Variants in ANK2 observed in about 807,000 individuals in gnomAD.
The protein encoded by ANK2 is ankyrin 2.
In ANK2, 83 loss-of-function variants were observed where a neutral mutation model predicts 360.5. The observed-to-expected ratio is 0.23, with a 90% CI of 0.19 to 0.28. The LOEUF is 0.28. Ranked by LOEUF, ANK2 falls within the 10% of genes least tolerant of loss-of-function variation. ANK2 has a pLI of 1.00. For synonymous variants in ANK2, 1,740 were observed against 1,759.5 expected, an observed-to-expected ratio of 0.99 and a Z score of 0.28; for missense variants, 4,201 against 4,795.7, an observed-to-expected ratio of 0.88 and a Z score of 3.66.
chr4:113,076,776 AC>A, intron 1 of ANK2, among the ~76,000 whole-genome samples: 1 of 150,024 alleles, frequency 6.7e-6, no homozygotes. Flanking sequence ...AGCCAGGGCA[AC>A]AGAGTAAGAC....
intron 2 of ANK2, among the ~76,000 whole-genome samples, chr4:112,976,017 GAATATGCTC>G (rs1326542393): frequency 3.3e-5 from 5 of 152,108 alleles, no homozygotes; most frequent in African/African-American, 9.6e-5. Context: ...TTTGAAAATT[GAATATGCTC>G]ACACATGCTC....
chr4:113,030,778 A>G (rs560606071), intron 2 of ANK2, among the ~76,000 whole-genome samples: 4 of 152,208 alleles, frequency 2.6e-5, no homozygotes, highest in South Asian at 2.1e-4. Flanking sequence ...AATCCAAATA[A>G]TAGGAAAGAA....
chr4:112,906,328 A>G (rs2085193603), intron 2 of ANK2, among the ~76,000 whole-genome samples: 1 of 152,278 alleles, frequency 6.6e-6, no homozygotes, highest in South Asian at 2.1e-4. Context: ...TAGAAACCAG[A>G]CCGGATTAGT....
chr4:113,010,275 A>G (rs1183301106), intron 2 of ANK2, among the ~76,000 whole-genome samples: 1 of 152,180 alleles, frequency 6.6e-6, no homozygotes, highest in East Asian at 1.9e-4. Flanking sequence ...CTCTACTACA[A>G]AACCAATATA....
chr4:113,310,541 C>G (rs1391053441), intron 23 of ANK2, among the ~76,000 whole-genome samples: 2 of 152,082 alleles, frequency 1.3e-5, no homozygotes, highest in Non-Finnish European at 2.9e-5. Context: ...CTCAGCCTCC[C>G]AAGTAGCTGG....
rs2096024632 is a variant in ANK2 at position 113,359,040 on chromosome 4, C to G, written c.10422C>G (p.Ser3474=). The change falls in exon 38 of 46, where the codon TCC becomes TCG. Residue 3474 remains serine, a synonymous_variant. Transcript: ENST00000357077. ...ATTTCTTTGACCTTTACAGAAATTC[C>G]ATAGAATTCTTTGAGGAGATTAGTG... ...KEHFFDLYRN[S]IEFFEEISDE... is the part of the protein sequence containing the mutation. The G allele has an allele frequency of 6.2e-7, 1 of 1,613,934 alleles. No homozygotes were observed. Among genetic ancestry groups the G allele is most frequent in the Non-Finnish European group, 8.5e-7 (1 of 1,179,962 alleles).
chr4:113,262,813 A>G (rs1180454176), intron 13 of ANK2, among the ~76,000 whole-genome samples: 3 of 152,032 alleles, frequency 2.0e-5, no homozygotes, highest in Non-Finnish European at 4.4e-5. Flanking sequence ...GGACTTGAGC[A>G]TCCATGTATT....
intron 10 of ANK2, among the ~76,000 whole-genome samples, chr4:113,251,735 G>A (rs2046546965): frequency 6.6e-6 from 1 of 151,734 alleles, no homozygotes. Context: ...GCCCATCTCG[G>A]CCTCCCAAAG....
In ANK2 at chr4:113,381,503, G is replaced by A. The variant is rs371328203; in HGVS notation, c.*32G>A. 27 of 1,613,922 alleles carry A rather than the reference G, an allele frequency of 1.7e-5. No individual in the cohort carries two copies. Among genetic ancestry groups the A allele is most frequent in the Non-Finnish European group, 1.9e-5 (22 of 1,179,998 alleles). ...CACACAGAAGAGGGCTGTGGTGAAG[G>A]ACCAGCATGGAAAACGCATTGACTT... On this transcript the variant is annotated 3_prime_UTR_variant, in exon 46 of 46. Coordinates refer to ENST00000357077, the MANE Select transcript of ANK2 (RefSeq NM_001148.6).
At chr4:112,889,752 C>T (rs1317625998) in intron 1 of ANK2, among the ~76,000 whole-genome samples, 1 of 152,142 alleles carries the variant, frequency 6.6e-6, no homozygotes, top group Admixed American at 6.5e-5. Context: ...TACTTCACAT[C>T]CCAGCTGTTC....
At chr4:113,019,755 G>T (rs1016246355) in intron 2 of ANK2, among the ~76,000 whole-genome samples, 2 of 152,036 alleles carry the variant, frequency 1.3e-5, no homozygotes, top group African/African-American at 4.8e-5. Context: ...TTGCTTAGAT[G>T]AGTTAGATCA....
the ANK2 span, among the ~76,000 whole-genome samples, chr4:112,711,254 G>A: frequency 6.6e-6 from 1 of 151,884 alleles, no homozygotes; most frequent in East Asian, 1.9e-4. Context: ...GTGCAGTGGG[G>A]TGCAGTGGTT....
chr4:112,992,688 T>G (rs889146751), intron 2 of ANK2, among the ~76,000 whole-genome samples: 4 of 152,198 alleles, frequency 2.6e-5, no homozygotes, highest in Non-Finnish European at 4.4e-5. Context: ...GTGTCTCGTC[T>G]TGTAAGGGCA....
chr4:113,319,906 G>T (rs1313399486), intron 26 of ANK2, among the ~76,000 whole-genome samples: 1 of 152,146 alleles, frequency 6.6e-6, no homozygotes, highest in Non-Finnish European at 1.5e-5. Flanking sequence ...TCATAGATAA[G>T]AATCTAGAAA....
intron 1 of ANK2, among the ~76,000 whole-genome samples, chr4:112,903,552 A>C (rs2084170597): frequency 6.6e-6 from 1 of 152,182 alleles, no homozygotes; most frequent in Non-Finnish European, 1.5e-5. Flanking sequence ...AGAGAAAATA[A>C]AGTAGAAGCA....
chr4:113,024,113 A>T (rs1031205000), intron 2 of ANK2, among the ~76,000 whole-genome samples: 4 of 152,238 alleles, frequency 2.6e-5, no homozygotes, highest in African/African-American at 9.6e-5. Flanking sequence ...ACATAGGCTC[A>T]TATTAGGCTT....
upstream of ANK2, chr4:113,049,610 C>T (rs1022176310): frequency 6.0e-6 from 9 of 1,509,836 alleles, no homozygotes; most frequent in Admixed American, 2.0e-5. Context: ...TCCCAGTGCG[C>T]GCCCCTTCCC....
At chr4:113,297,008 A>G (rs2071981233) in intron 22 of ANK2, among the ~76,000 whole-genome samples, 2 of 152,184 alleles carry the variant, frequency 1.3e-5, no homozygotes, top group Admixed American at 6.5e-5. Flanking sequence ...ATAGTTCAGT[A>G]AACTCAGAAA....
chr4:112,858,193 G>A (rs1362038087), intron 1 of ANK2, among the ~76,000 whole-genome samples: 1 of 151,700 alleles, frequency 6.6e-6, no homozygotes, highest in Non-Finnish European at 1.5e-5. Flanking sequence ...TTGTAAAGAG[G>A]AAGTTTTTTT....
Sources: gnomAD v4.1 joint callset for allele counts (sites outside exome capture counted in the v4.1 genomes callset) on GRCh38, gnomAD v4.1.1 for gene constraint, MANE v1.5 for transcripts, NCBI Gene and HGNC (gene_info 2026-07-23, HGNC 2026-07-21) for gene names.